The following RORA variants were observed in gnomAD, a reference collection of about 807,000 sequenced individuals.
RORA encodes RAR related orphan receptor A.
A neutral mutation model predicts 69.5 loss-of-function variants in RORA; 7 were observed. The observed-to-expected ratio is 0.10, with a 90% CI of 0.06 to 0.19. The LOEUF is 0.19. Ranked by LOEUF, RORA falls within the 10% of genes least tolerant of loss-of-function variation. The probability of loss-of-function intolerance (pLI) is 1.00; values close to 1 mark genes in which losing one functional copy is unlikely to be tolerated. For synonymous variants in RORA, 261 were observed against 240.8 expected (o/e 1.08, Z -0.78); for missense variants, 457 against 663.0 (o/e 0.69, Z 3.41).
At chr15:60,655,209 C>T (rs2070202368) in intron 2 of RORA, among the ~76,000 whole-genome samples, 1 of 152,126 alleles carries the variant, frequency 6.6e-6, no homozygotes, top group African/African-American at 2.4e-5. Flanking sequence ...CAGAGTCTCA[C>T]TCTGTCGCCC....
chr15:60,695,735 C>G (rs1035475551), intron 1 of RORA, among the ~76,000 whole-genome samples: 2 of 152,142 alleles, frequency 1.3e-5, no homozygotes, highest in South Asian at 2.1e-4. Context: ...CTCGCGCCCC[C>G]ACGTCCCCAC....
intron 2 of RORA, among the ~76,000 whole-genome samples, chr15:60,618,577 T>TA (rs968277838): frequency 1.3e-5 from 2 of 151,432 alleles, no homozygotes; most frequent in Admixed American, 6.6e-5. Flanking sequence ...GAACACAACT[T>TA]AAAAAAAAAG....
chr15:60,690,719 A>C (rs1274301417), intron 1 of RORA, among the ~76,000 whole-genome samples: 1 of 152,226 alleles, frequency 6.6e-6, no homozygotes, highest in Non-Finnish European at 1.5e-5. Flanking sequence ...ACTGGGACTC[A>C]GAGGGATTAG....
intron 1 of RORA, among the ~76,000 whole-genome samples, chr15:61,006,265 C>T (rs1894911589): frequency 6.6e-6 from 1 of 152,058 alleles, no homozygotes; most frequent in African/African-American, 2.4e-5. Flanking sequence ...CCGTGCCCGG[C>T]CGTAATATTT....
At chr15:60,523,215 G>A (rs1413149484) in intron 3 of RORA, among the ~76,000 whole-genome samples, 2 of 152,118 alleles carry the variant, frequency 1.3e-5, no homozygotes, top group African/African-American at 2.4e-5. Flanking sequence ...CATTGTTGGC[G>A]AATGAATGAA....
intron 1 of RORA, among the ~76,000 whole-genome samples, chr15:60,714,299 T>C (rs963986904): frequency 1.3e-5 from 2 of 152,058 alleles, no homozygotes; most frequent in African/African-American, 4.8e-5. Flanking sequence ...CCCCAGGTGA[T>C]CCACTGGTCT....
intron 2 of RORA, among the ~76,000 whole-genome samples, chr15:60,668,654 T>C (rs907955984): frequency 6.6e-6 from 1 of 152,142 alleles, no homozygotes; most frequent in Non-Finnish European, 1.5e-5. Context: ...AACAATCAAT[T>C]ATCCCGACGC....
chr15:60,840,110 A>G (rs1301297216), intron 1 of RORA, among the ~76,000 whole-genome samples: 1 of 152,046 alleles, frequency 6.6e-6, no homozygotes, highest in Non-Finnish European at 1.5e-5. Flanking sequence ...TGGCTCTCAG[A>G]GGGAGGAAGA....
At chr15:61,132,462 C>T (rs1011155991) in intron 1 of RORA, among the ~76,000 whole-genome samples, 9 of 151,844 alleles carry the variant, frequency 5.9e-5, no homozygotes, top group African/African-American at 1.5e-4. Flanking sequence ...ATCCCAGTTC[C>T]GGATAAAAGG....
intron 5 of RORA, among the ~76,000 whole-genome samples, chr15:60,510,245 C>T (rs2065652258): frequency 6.6e-6 from 1 of 152,178 alleles, no homozygotes; most frequent in South Asian, 2.1e-4. Flanking sequence ...GTGTGAGGAA[C>T]CACCAGGAGG....
chr15:60,918,434 A>G (rs184599266), intron 1 of RORA, among the ~76,000 whole-genome samples: 532 of 152,314 alleles, frequency 3.5e-3, no homozygotes, highest in Admixed American at 7.1e-3. Context: ...GCAGGTACGT[A>G]TTTATTTACA....
chr15:60,926,604 T>C (rs1389394474), intron 1 of RORA, among the ~76,000 whole-genome samples: 2 of 152,254 alleles, frequency 1.3e-5, no homozygotes. Flanking sequence ...CCTCTGCAGC[T>C]TCATTTCTAG....
chr15:60,516,516 T>C (rs985556263), intron 3 of RORA, among the ~76,000 whole-genome samples: 1 of 151,680 alleles, frequency 6.6e-6, no homozygotes, highest in African/African-American at 2.4e-5. Context: ...AAGAGAATTA[T>C]TACCTTCAAA....
At chr15:60,854,037 G>A (rs930552296) in intron 1 of RORA, among the ~76,000 whole-genome samples, 1 of 152,166 alleles carries the variant, frequency 6.6e-6, no homozygotes, top group Non-Finnish European at 1.5e-5. Context: ...GCCAAGGCAG[G>A]TGGATCACGA....
chr15:61,031,198 T>C (rs995383563), intron 1 of RORA, among the ~76,000 whole-genome samples: 1 of 152,176 alleles, frequency 6.6e-6, no homozygotes, highest in African/African-American at 2.4e-5. Context: ...AATTATGATA[T>C]AAAGAAAAAT....
At chr15:61,024,266 ATC>A (rs946807113) in intron 1 of RORA, among the ~76,000 whole-genome samples, 10 of 109,774 alleles carry the variant, frequency 9.1e-5, no homozygotes, top group Admixed American at 2.2e-4. Context: ...ACTTTCTTGG[ATC>A]TCTTTTTTTT....
At chr15:60,817,584 G>T (rs1057225971) in intron 1 of RORA, among the ~76,000 whole-genome samples, 4 of 152,176 alleles carry the variant, frequency 2.6e-5, no homozygotes, top group Non-Finnish European at 4.4e-5. Flanking sequence ...CTGGGCTTTT[G>T]TTTCTTCAGT....
chr15:61,040,083 A>T (rs1279635851), intron 1 of RORA, among the ~76,000 whole-genome samples: 1 of 137,030 alleles, frequency 7.3e-6, no homozygotes, highest in Non-Finnish European at 1.6e-5. Context: ...TTACAAGAAC[A>T]TAATTCTAAT....
At chr15:61,175,998 T>C (rs1170830328) in intron 1 of RORA, 2 of 152,224 alleles carry the variant, frequency 1.3e-5, no homozygotes, top group Non-Finnish European at 2.9e-5. Flanking sequence ...TGTCAATAGT[T>C]TGGTAATACA....
Sources: allele counts gnomAD v4.1 joint callset (sites outside exome capture counted in the v4.1 genomes callset), GRCh38; gene constraint gnomAD v4.1.1; transcripts MANE v1.5; gene names NCBI Gene and HGNC (gene_info 2026-07-23, HGNC 2026-07-21).